The following TEPSIN variants were observed in gnomAD, a reference collection of about 807,000 sequenced individuals.
TEPSIN encodes TEPSIN adaptor related protein complex 4 accessory protein.
Under a neutral mutation model 48.5 loss-of-function variants are expected in TEPSIN, and 50 were observed. The ratio of observed to expected loss-of-function variants is 1.03; its 90% CI spans 0.82 to 1.31. TEPSIN has a LOEUF of 1.31. Ranked by LOEUF, TEPSIN falls within the 50% of genes most tolerant of loss-of-function variation. The pLI is 0.00. For missense variants in TEPSIN, 838 were observed against 815.9 expected, an observed-to-expected ratio of 1.03 and a Z score of -0.33; for synonymous variants, 392 against 358.8, an observed-to-expected ratio of 1.09 and a Z score of -1.05.
In TEPSIN at chr17:81,233,356, G is replaced by A; in HGVS notation, c.526+76C>T. 6.5e-7 allele frequency: 1 copy of A among 1,529,702 alleles called. No individual in the cohort carries two copies. The highest frequency in any genetic ancestry group is 8.9e-7 in the Non-Finnish European group (1 of 1,129,900). The allele number at this position is 1,529,702 out of a possible 1,614,324, so 94.8% of individuals were successfully genotyped here. A position where few individuals can be genotyped will look rare whatever the true frequency, so the allele number is the denominator to read the frequency against. On this transcript the variant is annotated intron_variant, in intron 7 of 12. Coordinates refer to ENST00000637944, the MANE Select transcript of TEPSIN (RefSeq NM_001363764.2). The surrounding 1 kb of genome is among the most constrained non-coding windows in gnomAD (Gnocchi z 5.8). Reference sequence around the variant, plus strand: ...GGGACAGCAGCTACTAGATGGGGCGGCATGGTCCGGCCCCCACCACCTCCT... The same window carrying A: ...GGGACAGCAGCTACTAGATGGGGCGACATGGTCCGGCCCCCACCACCTCCT...
chr17:81,238,793 G>A (rs1031161757), intron 1 of TEPSIN, 193 bp downstream of exon 1: 3 of 1,320,202 alleles, frequency 2.3e-6, no homozygotes, highest in Admixed American at 4.2e-5. Context: ...CGGCTTGGAA[G>A]GCCCGGCTTG....
chr17:81,235,839 G>T (rs374132991), intron 4 of TEPSIN, among the ~76,000 whole-genome samples: 2 of 152,354 alleles, frequency 1.3e-5, no homozygotes, highest in African/African-American at 2.4e-5. Flanking sequence ...AACTGTCTAT[G>T]GCGGCCCAGG....
intron 2 of TEPSIN, 45 bp from the exon 3 acceptor site, chr17:81,237,116 C>T (rs1476136353): frequency 3.9e-5 from 59 of 1,532,458 alleles, no homozygotes; most frequent in Admixed American, 7.8e-5. Context: ...ATGAGGGCTG[C>T]GCCAGGCCGC....
At position 81,236,727 on chromosome 17, in the gene TEPSIN, G is replaced by C. The variant is rs1441196134; in HGVS notation, c.288C>G (p.Ala96=). 9 of 1,568,040 alleles carry C rather than the reference G, an allele frequency of 5.7e-6. No homozygotes were observed. Among genetic ancestry groups the C allele is most frequent in the Non-Finnish European group, 7.8e-6 (9 of 1,156,998 alleles). ...FFLLILKRNS[A]FIQEAAAFAG... Reference sequence around the variant, plus strand: ...CTGTACCTGCAGCTTCCTGGATGAAGGCAGAGTTGCGTTTGAGGATGAGCA... The same window carrying C: ...CTGTACCTGCAGCTTCCTGGATGAACGCAGAGTTGCGTTTGAGGATGAGCA... The change falls in exon 4 of 13, where the codon GCC becomes GCG. Residue 96 remains alanine (A), a synonymous_variant. Transcript: ENST00000637944.
Position 81,228,464 on chromosome 17 carries a change from C to T in TEPSIN, c.*464G>A. 4.3e-6 allele frequency: 1 copy of T among 234,274 alleles called. No homozygotes were observed. The highest frequency in any genetic ancestry group is 8.4e-6 in the Non-Finnish European group (1 of 119,656). 14.5% of individuals were successfully genotyped at this position (234,274 alleles called of 1,614,324 possible). A position where few individuals can be genotyped will look rare whatever the true frequency, so the allele number is the denominator to read the frequency against. ...AGACTTGAAATGGCCTCAGGCCAGA[C>T]AGCACAAGGCAGCCCGGACAAGACA... On this transcript the variant is annotated 3_prime_UTR_variant, in exon 13 of 13. Transcript: ENST00000637944.
At position 81,232,516 on chromosome 17, in the gene TEPSIN, A is replaced by G; in HGVS notation, c.529T>C (p.Ser177Pro). 1 of 1,530,584 alleles carries G rather than the reference A, an allele frequency of 6.5e-7. No homozygotes were observed. The highest frequency in any genetic ancestry group is 1.2e-5 in the South Asian group (1 of 83,884). The allele number at this position is 1,530,584 out of a possible 1,614,324, so 94.8% of individuals were successfully genotyped here. The change falls in exon 8 of 13, where the codon TCG (serine) becomes CCG (proline). Residue 177 changes from serine to proline, a missense_variant and splice_region_variant. Ser to Pro is a moderately conservative substitution (Grantham distance 74). Coordinates refer to ENST00000637944, the MANE Select transcript of TEPSIN (RefSeq NM_001363764.2). The stretch of plus-strand genomic sequence containing the variant: ...GTGGAGAGGAAGGCTTCGCCTGCCG[A>G]GCCTGTACCCGAGGAGAGGGAGATG... ...GYSKEHGRTG[S>P]AGEAFLSTIQ...
chr17:81,238,905 T>C, intron 1 of TEPSIN, 81 bp downstream of exon 1: 1 of 1,381,276 alleles, frequency 7.2e-7, no homozygotes, highest in Non-Finnish European at 9.3e-7. Context: ...GGTCAATGGC[T>C]CCGGCCCGGG....
intron 7 of TEPSIN, 133 bp from the exon 8 acceptor site, chr17:81,232,651 C>A (rs2062641153): frequency 1.2e-6 from 1 of 816,556 alleles, no homozygotes; most frequent in Non-Finnish European, 1.8e-6. Flanking sequence ...GGTAGGGAGG[C>A]CTCCTGGTGG....
chr17:81,238,794 G>A, intron 1 of TEPSIN, 192 bp downstream of exon 1: 9 of 1,321,316 alleles, frequency 6.8e-6, no homozygotes, highest in Non-Finnish European at 8.7e-6. Context: ...GGCTTGGAAG[G>A]CCCGGCTTGG....
rs2146819049 is a variant in TEPSIN at position 81,229,354 on chromosome 17, G to A, written c.1356C>T (p.Leu452=). Residue 452 remains leucine (L), a synonymous_variant, in exon 13 of 13, where the codon CTC becomes CTT. Coordinates refer to ENST00000637944, the MANE Select transcript of TEPSIN (RefSeq NM_001363764.2). ...GCTGCAGGAAGACCTGGCTCCCAGG[G>A]AGAGGCACAGCGTCGGTCAGCAGGT... ...PSDLLTDAVP[L]PGSQVFLQPL... 6.4e-7 allele frequency: 1 copy of A among 1,562,760 alleles called. No individual in the cohort carries two copies. Among genetic ancestry groups the A allele is most frequent in the African/African-American group, 1.4e-5 (1 of 73,754 alleles).
chr17:81,232,515 G>A lies in TEPSIN; in HGVS notation c.530C>T (p.Ser177Leu), dbSNP rs1015911111. 30 of 1,530,988 alleles carry A rather than the reference G, an allele frequency of 2.0e-5. No homozygotes were observed. The highest frequency in any genetic ancestry group is 2.1e-4 in the Middle Eastern group (1 of 4,684). The allele number at this position is 1,530,988 out of a possible 1,614,324, so 94.8% of individuals were successfully genotyped here. Residue 177 changes from serine (S) to leucine (L), a missense_variant, in exon 8 of 13, where the codon TCG (serine) becomes TTG (leucine). By Grantham distance (145) the Ser-to-Leu change is moderately radical (BLOSUM62 -2). Coordinates refer to ENST00000637944, the MANE Select transcript of TEPSIN (RefSeq NM_001363764.2). ...GYSKEHGRTGSAGEAFLSTIQ... is the reference protein window; with the variant it reads ...GYSKEHGRTGLAGEAFLSTIQ... The stretch of plus-strand genomic sequence containing the variant: ...GGTGGAGAGGAAGGCTTCGCCTGCC[G>A]AGCCTGTACCCGAGGAGAGGGAGAT...
At chr17:81,231,744 C>T (rs1458569468) in intron 9 of TEPSIN, 53 bp from the exon 10 acceptor site, 42 of 1,607,034 alleles carry the variant, frequency 2.6e-5, no homozygotes, top group African/African-American at 4.0e-5. Context: ...GCCCCCACTC[C>T]TGTCTCGCAT....
At chr17:81,236,917 T>C (rs2062732787) in intron 3 of TEPSIN, 63 bp downstream of exon 3, 4 of 1,533,888 alleles carry the variant, frequency 2.6e-6, no homozygotes, top group African/African-American at 1.4e-5. Context: ...GCTCGTCTGC[T>C]CCTCCATCCT....
chr17:81,237,513 G>GAATCCGCA, intron 1 of TEPSIN, 54 bp from the exon 2 acceptor site: 1 of 1,540,904 alleles, frequency 6.5e-7, no homozygotes, highest in South Asian at 1.2e-5. Flanking sequence ...CCACAGGGGT[G>GAATCCGCA]AATCCGCAGC....
At position 81,234,942 on chromosome 17, in the gene TEPSIN, G is replaced by T. The variant is rs2062695206; in HGVS notation, c.308-894C>A. ...CATAGGGCATCAGCCTAATGGCTAA[G>T]GTCAGCACGACCATGAACCACAAAT... On this transcript the variant is annotated intron_variant, in intron 4 of 12. Transcript: ENST00000637944. The surrounding 1 kb of genome is among the most constrained non-coding windows in gnomAD (Gnocchi z 5.4). Among the ~76,000 whole-genome samples the T allele has an allele frequency of 6.6e-6, 1 of 152,100 alleles. No individual in the cohort carries two copies. The highest frequency in any genetic ancestry group is 2.1e-4 in the South Asian group (1 of 4,816).
Position 81,229,271 on chromosome 17 carries a change from G to A in TEPSIN, c.1439C>T (p.Ser480Phe), listed in dbSNP as rs764778012. 1.9e-6 allele frequency: 3 copies of A among 1,578,958 alleles called. No homozygotes were observed. The highest frequency in any genetic ancestry group is 2.6e-6 in the Non-Finnish European group (3 of 1,162,728). Residue 480 changes from serine to phenylalanine, a missense_variant, in exon 13 of 13, where the codon TCC (serine) becomes TTC (phenylalanine). Physicochemically the swap from Ser to Phe is radical, Grantham distance 155. Coordinates refer to ENST00000637944, the MANE Select transcript of TEPSIN (RefSeq NM_001363764.2). The stretch of plus-strand genomic sequence containing the variant: ...TGGGGGTGGGGTGGGCACAGGGCTG[G>A]ACGGCATCCCAGATGAGGGAGCAGG... The part of the protein sequence containing the change: ...RSPAPSSGMP[S>F]SPVPTPPPDA...
At chr17:81,237,212 T>C (rs902269341) in intron 2 of TEPSIN, 141 bp from the exon 3 acceptor site, 2 of 1,170,050 alleles carry the variant, frequency 1.7e-6, no homozygotes, top group African/African-American at 3.1e-5. Flanking sequence ...CCTGGGCTTC[T>C]AGGGTCCCCT....
chr17:81,231,705 T>G lies in TEPSIN; in HGVS notation c.906-14A>C. On this transcript the variant is annotated splice_polypyrimidine_tract_variant and intron_variant, in intron 9 of 12. Coordinates refer to ENST00000637944, the MANE Select transcript of TEPSIN (RefSeq NM_001363764.2). Reference sequence around the variant, plus strand: ...ACCACCTCGACCCTGCCAGGGGGAATGGCCGGGTCAAGGGTGAGTGGAGGC... The same window carrying G: ...ACCACCTCGACCCTGCCAGGGGGAAGGGCCGGGTCAAGGGTGAGTGGAGGC... The G allele has an allele frequency of 6.2e-7, 1 of 1,610,762 alleles. No homozygotes were observed. The highest frequency in any genetic ancestry group is 8.5e-7 in the Non-Finnish European group (1 of 1,178,750).
In TEPSIN at chr17:81,228,697, CCT is replaced by C. The variant is rs2062516706; in HGVS notation, c.*229_*230del. 1 of 596,284 alleles carries C rather than the reference CCT, an allele frequency of 1.7e-6. No homozygotes were observed. 36.9% of individuals were successfully genotyped at this position (596,284 alleles called of 1,614,324 possible). On this transcript the variant is annotated 3_prime_UTR_variant, in exon 13 of 13. Transcript: ENST00000637944. ...CAGGCAGGGACTGCCCCCTGAGAGC[CCT>C]GAGATCGACATTTCTGAAGCCCTGC...
Sources: allele counts gnomAD v4.1 joint callset (sites outside exome capture counted in the v4.1 genomes callset), GRCh38; gene constraint gnomAD v4.1.1; non-coding constraint Gnocchi (gnomAD v3.1); transcripts MANE v1.5; gene names NCBI Gene and HGNC (gene_info 2026-07-23, HGNC 2026-07-21).